PTGES3: variants seen among roughly 807,000 people sequenced by gnomAD.
The protein encoded by PTGES3 is prostaglandin E synthase 3.
Under a neutral mutation model 29.9 loss-of-function variants are expected in PTGES3, and 5 were observed. The ratio of observed to expected loss-of-function variants is 0.17; its 90% confidence interval spans 0.09 to 0.35. The LOEUF (loss-of-function observed/expected upper bound fraction) is 0.35. Ranked by LOEUF, PTGES3 falls within the 10% of genes least tolerant of loss-of-function variation. The pLI is 1.00. For missense variants in PTGES3, 128 were observed against 190.0 expected (o/e 0.67, Z 1.92); for synonymous variants, 49 against 57.8 (o/e 0.85, Z 0.69).
intron 5 of PTGES3, among the ~76,000 whole-genome samples, chr12:56,667,870 G>C (rs1455082101): frequency 6.6e-6 from 1 of 152,238 alleles, no homozygotes; most frequent in East Asian, 1.9e-4. Flanking sequence ...AACTTTGGGA[G>C]GCCAAGGCGG....
chr12:56,686,040 T>C (rs1038288207), intron 1 of PTGES3, among the ~76,000 whole-genome samples: 3 of 151,688 alleles, frequency 2.0e-5, no homozygotes, highest in Non-Finnish European at 2.9e-5. Flanking sequence ...CTCCCAAGTA[T>C]AGGGATTACA....
chr12:56,669,235 C>T (rs1951903571), intron 5 of PTGES3, among the ~76,000 whole-genome samples: 2 of 151,940 alleles, frequency 1.3e-5, no homozygotes, highest in African/African-American at 4.8e-5. Context: ...GCTCTTGTTG[C>T]CCAGACTGGA....
chr12:56,687,865 T>C (rs1400100704), intron 1 of PTGES3, 133 bp downstream of exon 1: 6 of 1,543,300 alleles, frequency 3.9e-6, no homozygotes, highest in Non-Finnish European at 5.2e-6. Context: ...ACAAGGATCC[T>C]GGACCTCCCG....
At chr12:56,675,281 CAG>C (rs1232626618) in intron 1 of PTGES3, among the ~76,000 whole-genome samples, 1 of 150,968 alleles carries the variant, frequency 6.6e-6, no homozygotes, top group East Asian at 1.9e-4. Context: ...GTCTGGGTGA[CAG>C]AGCAAGACTC....
intron 6 of PTGES3, chr12:56,665,946 G>C: frequency 8.8e-7 from 1 of 1,134,588 alleles, no homozygotes; most frequent in Non-Finnish European, 1.1e-6. Context: ...AATTGAGTAC[G>C]GTATTAATAT....
intron 1 of PTGES3, among the ~76,000 whole-genome samples, chr12:56,682,149 C>T (rs1052331049): frequency 6.6e-6 from 1 of 152,096 alleles, no homozygotes; most frequent in African/African-American, 2.4e-5. Context: ...GCCCAGCTGA[C>T]ATTGGCACTA....
intron 1 of PTGES3, among the ~76,000 whole-genome samples, chr12:56,676,427 T>C (rs1024421761): frequency 6.6e-6 from 1 of 152,144 alleles, no homozygotes; most frequent in Non-Finnish European, 1.5e-5. Flanking sequence ...GACAACATGA[T>C]AATGGAGTCC....
chr12:56,687,947 G>A (rs1173638695), intron 1 of PTGES3, 51 bp downstream of exon 1: 2 of 1,603,736 alleles, frequency 1.2e-6, no homozygotes, highest in South Asian at 1.1e-5. Context: ...AGCCCCCAAC[G>A]CGGCCTCGGC....
chr12:56,687,878 C>T, intron 1 of PTGES3, 120 bp downstream of exon 1: 2 of 1,571,332 alleles, frequency 1.3e-6, no homozygotes, highest in Admixed American at 3.7e-5. Flanking sequence ...ACCTCCCGCC[C>T]CCAGGCAGGA....
At chr12:56,678,616 G>C (rs1005620575) in intron 1 of PTGES3, among the ~76,000 whole-genome samples, 4 of 152,142 alleles carry the variant, frequency 2.6e-5, no homozygotes, top group African/African-American at 9.7e-5. Context: ...AAGGGTGCTT[G>C]CAGTGTTTTA....
chr12:56,670,628 A>G (rs1394677360), intron 4 of PTGES3: 1 of 332,198 alleles, frequency 3.0e-6, no homozygotes, highest in Non-Finnish European at 5.6e-6. Context: ...ACTGATGTTA[A>G]CTTAGCGTGG....
Position 56,683,054 on chromosome 12 carries a change from G to C in PTGES3, c.2+4944C>G, listed in dbSNP as rs550815136. On this transcript the variant is annotated intron_variant, in intron 1 of 7. Coordinates refer to ENST00000262033, the MANE Select transcript of PTGES3 (RefSeq NM_006601.7). ...GAAGCAGGGAAGCAGCCTCATTCTA[G>C]AATCTATCATTGCCGGCTGCGGCAG... Among the ~76,000 whole-genome samples the C allele has an allele frequency of 6.2e-4, 94 of 151,952 alleles. 2 individuals are homozygous for C. The Middle Eastern group carries it at 0.02, about 33-fold the overall frequency.
At chr12:56,687,440 G>GGA (rs1952929394) in intron 1 of PTGES3, 1 of 988,152 alleles carries the variant, frequency 1.0e-6, no homozygotes, top group East Asian at 1.1e-4. Flanking sequence ...CCCAGACACT[G>GGA]GAGAGGGAAG....
chr12:56,688,207 G>GGGAGAAGAGGAAAGTGTA lies in PTGES3; in HGVS notation c.-226_-209dup. On this transcript the variant is annotated 5_prime_UTR_variant, in exon 1 of 8. Transcript: ENST00000262033. Reference sequence around the variant, plus strand: ...GCGGAAAGAGCGGCTCCTCCGGTCGGGGAGAAGAGGAAAGTGTAGGAAAAG... The same window carrying GGGAGAAGAGGAAAGTGTA: ...GCGGAAAGAGCGGCTCCTCCGGTCGGGGAGAAGAGGAAAGTGTAGGAGAAGAGGAAAGTGTAGGAAAAG... The GGGAGAAGAGGAAAGTGTA allele has an allele frequency of 2.3e-6, 2 of 886,588 alleles. No homozygotes were observed. The highest frequency in any genetic ancestry group is 3.2e-6 in the Non-Finnish European group (2 of 631,890). The allele number at this position is 886,588 out of a possible 1,614,324, so 54.9% of individuals were successfully genotyped here.
chr12:56,674,593 G>A (rs548660520), intron 1 of PTGES3, among the ~76,000 whole-genome samples: 8 of 152,078 alleles, frequency 5.3e-5, no homozygotes, highest in South Asian at 2.1e-4. Context: ...TTGGGAGGCC[G>A]AGGCAGGAGG....
intron 1 of PTGES3, among the ~76,000 whole-genome samples, chr12:56,685,875 C>CA: frequency 6.8e-6 from 1 of 147,628 alleles, no homozygotes; most frequent in Non-Finnish European, 1.5e-5. Flanking sequence ...CTCCTGGGTT[C>CA]AAGCGATTCT....
At chr12:56,683,740 A>G (rs1253964648) in intron 1 of PTGES3, among the ~76,000 whole-genome samples, 2 of 151,752 alleles carry the variant, frequency 1.3e-5, no homozygotes, top group Admixed American at 1.3e-4. Context: ...CAGGCGGATC[A>G]CGAGATCAGG....
At chr12:56,679,355 T>C (rs1952419412) in intron 1 of PTGES3, among the ~76,000 whole-genome samples, 2 of 128,766 alleles carry the variant, frequency 1.6e-5, no homozygotes, top group African/African-American at 6.0e-5. Context: ...TACAGTGAGC[T>C]GAGATGTGCC....
chr12:56,674,667 A>T (rs1952143050), intron 1 of PTGES3, among the ~76,000 whole-genome samples: 1 of 151,448 alleles, frequency 6.6e-6, no homozygotes, highest in Non-Finnish European at 1.5e-5. Context: ...TCTACTAAAA[A>T]TACAAAAAAT....
Sources: gnomAD v4.1 joint callset for allele counts (sites outside exome capture counted in the v4.1 genomes callset) on GRCh38, gnomAD v4.1.1 for gene constraint, MANE v1.5 for transcripts, NCBI Gene and HGNC (gene_info 2026-07-23, HGNC 2026-07-21) for gene names.